SRD5A1: variants seen among roughly 807,000 people sequenced by gnomAD.
SRD5A1 encodes the protein 3-oxo-5-alpha-steroid 4-dehydrogenase 1.
A neutral mutation model predicts 28.2 loss-of-function variants in SRD5A1; 22 were observed. That is an observed-to-expected ratio of 0.78 (90% CI 0.56 to 1.12). The LOEUF (loss-of-function observed/expected upper bound fraction) is 1.12, where lower values mean the gene tolerates loss of function less well. SRD5A1 is among the 50% of genes most tolerant of loss of function. The pLI, the probability that SRD5A1 is intolerant of heterozygous loss-of-function variation, is 0.00. For synonymous variants in SRD5A1, 151 were observed against 135.0 expected (o/e 1.12, Z -0.82); for missense variants, 300 against 346.7 (o/e 0.87, Z 1.07).
intron 4 of SRD5A1, among the ~76,000 whole-genome samples, chr5:6,666,798 T>C (rs939289866): frequency 6.6e-6 from 1 of 151,944 alleles, no homozygotes; most frequent in African/African-American, 2.4e-5. Flanking sequence ...CCCAGCCTGG[T>C]GGGGGGGCGC....
Position 6,662,909 on chromosome 5 carries a change from CG to C in SRD5A1, c.658del (p.Ala220LeufsTer35). ...YALASWSVQGAAFAFFTFCFL... is the reference protein window; with the variant it reads ...YALASWSVQGXAFAFFTFCFL... Reference sequence around the variant, plus strand: ...CTGGCCAGCTGGTCTGTCCAAGGCGCGGCTTTTGCTTTCTTCACGTTTTGTT... The same window carrying C: ...CTGGCCAGCTGGTCTGTCCAAGGCGCGCTTTTGCTTTCTTCACGTTTTGTT... On this transcript the variant is annotated frameshift_variant, in exon 4 of 5. Coordinates refer to ENST00000274192, the MANE Select transcript of SRD5A1 (RefSeq NM_001047.4). LOFTEE classifies it high-confidence loss of function. 1 of 1,613,964 alleles carries C rather than the reference CG, an allele frequency of 6.2e-7. No individual in the cohort carries two copies. The highest frequency in any genetic ancestry group is 8.5e-7 in the Non-Finnish European group (1 of 1,180,040).
At chr5:6,655,462 T>C (rs1738803767) in intron 2 of SRD5A1, among the ~76,000 whole-genome samples, 1 of 152,236 alleles carries the variant, frequency 6.6e-6, no homozygotes, top group African/African-American at 2.4e-5. Context: ...GGGAGACTCT[T>C]GTCAAGAACC....
At position 6,665,320 on chromosome 5, in the gene SRD5A1, G is replaced by A. The variant is rs781593940; in HGVS notation, c.713+2354G>A. ...CAGAACTGGGAGAGAATCAGTGGCC[G>A]TTATTATAAGCCACCCAGTGTGTGG... On this transcript the variant is annotated intron_variant, in intron 4 of 4. Coordinates refer to ENST00000274192, the MANE Select transcript of SRD5A1 (RefSeq NM_001047.4). 1.2e-4 allele frequency among the ~76,000 whole-genome samples: 19 copies of A among 152,324 alleles called. No homozygotes were observed. In the Middle Eastern group the frequency reaches 0.017, roughly 136 times the overall value.
intron 4 of SRD5A1, among the ~76,000 whole-genome samples, chr5:6,664,163 A>G (rs1487101930): frequency 6.6e-6 from 1 of 152,190 alleles, no homozygotes; most frequent in Non-Finnish European, 1.5e-5. Context: ...AAAACATCTA[A>G]TCGAAATCTC....
chr5:6,639,504 C>T (rs982096489), intron 1 of SRD5A1, among the ~76,000 whole-genome samples: 3 of 152,226 alleles, frequency 2.0e-5, no homozygotes, highest in African/African-American at 4.8e-5. Context: ...GTGGGTGCCA[C>T]CCCACAGCCC....
At chr5:6,659,402 C>A (rs149489908) in intron 3 of SRD5A1, among the ~76,000 whole-genome samples, 5,881 of 152,112 alleles carry the variant, frequency 0.039, 226 homozygotes, top group South Asian at 0.096. Flanking sequence ...CGTGAGCCAC[C>A]GTGCCCGGCC....
At chr5:6,644,828 C>A (rs1425756462) in intron 1 of SRD5A1, 2 of 454,750 alleles carry the variant, frequency 4.4e-6, no homozygotes, top group Non-Finnish European at 8.8e-6. Flanking sequence ...TATGCAAGCA[C>A]TTGCAGTGTG....
At chr5:6,654,900 A>G (rs778730846) in intron 2 of SRD5A1, among the ~76,000 whole-genome samples, 2 of 152,268 alleles carry the variant, frequency 1.3e-5, no homozygotes, top group African/African-American at 2.4e-5. Context: ...ATTGGAAGCC[A>G]AATTACCTAG....
chr5:6,660,835 T>C (rs923296611), intron 3 of SRD5A1, among the ~76,000 whole-genome samples: 3 of 152,200 alleles, frequency 2.0e-5, no homozygotes, highest in African/African-American at 7.2e-5. Flanking sequence ...CAGTTCCGCA[T>C]GGCTGGGGAG....
chr5:6,667,968 T>C (rs1739237405), intron 4 of SRD5A1, among the ~76,000 whole-genome samples: 1 of 152,246 alleles, frequency 6.6e-6, no homozygotes. Context: ...TCCTTCCAGA[T>C]AGAAAGGTGA....
At chr5:6,647,869 T>G (rs1166989576) in intron 1 of SRD5A1, among the ~76,000 whole-genome samples, 4 of 152,204 alleles carry the variant, frequency 2.6e-5, no homozygotes, top group Non-Finnish European at 5.9e-5. Flanking sequence ...GTGTCAATGA[T>G]CTTTACAATT....
intron 3 of SRD5A1, among the ~76,000 whole-genome samples, chr5:6,657,835 C>T (rs1218971709): frequency 1.3e-5 from 2 of 152,208 alleles, no homozygotes; most frequent in African/African-American, 4.8e-5. Context: ...GCCCCTGTCC[C>T]TCCATTTCCT....
At chr5:6,662,645 T>C (rs1337404775) in intron 3 of SRD5A1, among the ~76,000 whole-genome samples, 171 bp from the exon 4 acceptor site, 4 of 152,254 alleles carry the variant, frequency 2.6e-5, no homozygotes, top group Admixed American at 2.6e-4. Context: ...AGTTGTGATA[T>C]GAATTAGTAA....
At chr5:6,659,655 G>A (rs1738947156) in intron 3 of SRD5A1, among the ~76,000 whole-genome samples, 3 of 152,234 alleles carry the variant, frequency 2.0e-5, no homozygotes, top group African/African-American at 7.2e-5. Flanking sequence ...ACGATCATCT[G>A]CACGTGCCAT....
At chr5:6,659,319 T>C (rs1032927123) in intron 3 of SRD5A1, among the ~76,000 whole-genome samples, 3 of 152,078 alleles carry the variant, frequency 2.0e-5, no homozygotes, top group South Asian at 2.1e-4. Context: ...TTCACCGTGT[T>C]AGCCAGGATG....
intron 3 of SRD5A1, among the ~76,000 whole-genome samples, chr5:6,661,556 A>G (rs1303829150): frequency 7.6e-6 from 1 of 132,308 alleles, no homozygotes; most frequent in Non-Finnish European, 1.6e-5. Context: ...TTTTTGAGAC[A>G]GAGTCTAGGT....
In SRD5A1 at chr5:6,639,677, TA is replaced by T. The variant is rs8192155; in HGVS notation, c.293+5809del. Among the ~76,000 whole-genome samples, 621 of 152,360 alleles carry T rather than the reference TA, an allele frequency of 4.1e-3. 3 individuals carry two copies. Among genetic ancestry groups the T allele is most frequent in the African/African-American group, 0.014 (592 of 41,580 alleles). On this transcript the variant is annotated intron_variant, in intron 1 of 4. Coordinates refer to ENST00000274192, the MANE Select transcript of SRD5A1 (RefSeq NM_001047.4). ...TCGCCTGATTTTCTCCAAGCCTTTT[TA>T]GGAAATTGAATTTAGCCCAGGAAAT...
At chr5:6,641,841 C>T (rs1016821733) in intron 1 of SRD5A1, among the ~76,000 whole-genome samples, 5 of 152,232 alleles carry the variant, frequency 3.3e-5, no homozygotes. Context: ...CAGAGCACAG[C>T]CAAACCTAGA....
At chr5:6,651,415 T>A (rs1056679454) in intron 1 of SRD5A1, among the ~76,000 whole-genome samples, 1 of 152,214 alleles carries the variant, frequency 6.6e-6, no homozygotes, top group South Asian at 2.1e-4. Flanking sequence ...CCCAACATTT[T>A]GGGACAACAA....
Sources: allele counts gnomAD v4.1 joint callset (sites outside exome capture counted in the v4.1 genomes callset), GRCh38; gene constraint gnomAD v4.1.1; transcripts MANE v1.5; gene names NCBI Gene and HGNC (gene_info 2026-07-23, HGNC 2026-07-21).